Variants in TTBK2 observed in about 807,000 individuals in gnomAD.
TTBK2 encodes the protein tau tubulin kinase 2, also known as tau-tubulin kinase 2.
In TTBK2, 28 loss-of-function variants were observed where a neutral mutation model predicts 110.8. The observed-to-expected ratio is 0.25, with a 90% CI of 0.19 to 0.35. The LOEUF is 0.35. Among genes scored for constraint, TTBK2 ranks in the 10% least tolerant of loss-of-function variants. TTBK2 has a pLI of 1.00. For missense variants in TTBK2, 1,369 were observed against 1,500.3 expected (o/e 0.91, Z 1.45); for synonymous variants, 532 against 527.3 (o/e 1.01, Z -0.12).
At chr15:42,850,134 C>G (rs1404607983) in intron 3 of TTBK2, among the ~76,000 whole-genome samples, 1 of 152,166 alleles carries the variant, frequency 6.6e-6, no homozygotes, top group Admixed American at 6.5e-5. Flanking sequence ...TCTTGCCTGC[C>G]CCCATTGAGG....
intron 10 of TTBK2, among the ~76,000 whole-genome samples, chr15:42,793,614 C>T (rs1405151310): frequency 6.6e-6 from 1 of 151,592 alleles, no homozygotes; most frequent in African/African-American, 2.4e-5. Context: ...TTTTGGAGAA[C>T]AAGACAGGCA....
At chr15:42,857,063 A>AC (rs1371419500) in intron 3 of TTBK2, among the ~76,000 whole-genome samples, 1 of 128,352 alleles carries the variant, frequency 7.8e-6, no homozygotes, top group African/African-American at 3.9e-5. Context: ...TCTGTCTCAC[A>AC]AAAAAAAAAA....
chr15:42,893,336 T>A (rs1473047961), intron 1 of TTBK2, among the ~76,000 whole-genome samples: 1 of 151,756 alleles, frequency 6.6e-6, no homozygotes, highest in Non-Finnish European at 1.5e-5. Context: ...ACTACAAAAA[T>A]TTTTTTAAAA....
chr15:42,866,960 C>A (rs143547714), intron 3 of TTBK2, among the ~76,000 whole-genome samples: 1 of 152,052 alleles, frequency 6.6e-6, no homozygotes, highest in Admixed American at 6.6e-5. Flanking sequence ...AAAGAAAGAT[C>A]TAGGCCGGGC....
intron 1 of TTBK2, among the ~76,000 whole-genome samples, chr15:42,915,470 C>A (rs1262719072): frequency 6.6e-6 from 1 of 152,192 alleles, no homozygotes; most frequent in Non-Finnish European, 1.5e-5. Flanking sequence ...CCTTACTATG[C>A]TTAATTTATA....
chr15:42,813,877 C>A (rs936555046), intron 7 of TTBK2, among the ~76,000 whole-genome samples: 4 of 151,076 alleles, frequency 2.6e-5, no homozygotes, highest in African/African-American at 9.7e-5. Context: ...AAAGTAACAA[C>A]AATTAAATAA....
intron 11 of TTBK2, among the ~76,000 whole-genome samples, chr15:42,778,415 C>T (rs970040700): frequency 2.6e-5 from 4 of 152,066 alleles, no homozygotes; most frequent in African/African-American, 7.2e-5. Context: ...TCTGTAACCC[C>T]AGCACTTTCG....
chr15:42,800,386 C>T (rs1303139362), intron 9 of TTBK2: 3 of 375,550 alleles, frequency 8.0e-6, no homozygotes, highest in Non-Finnish European at 1.5e-5. Flanking sequence ...CTTAGGGAAG[C>T]ACTCCTCTCA....
chr15:42,785,417 G>A (rs1036325792), intron 10 of TTBK2, among the ~76,000 whole-genome samples: 5 of 152,016 alleles, frequency 3.3e-5, no homozygotes, highest in East Asian at 1.9e-4. Flanking sequence ...CATCGTGCCC[G>A]GCCACTTGCA....
chr15:42,875,470 C>A (rs1894781604), intron 2 of TTBK2, among the ~76,000 whole-genome samples: 1 of 152,116 alleles, frequency 6.6e-6, no homozygotes, highest in South Asian at 2.1e-4. Context: ...ACTCCCCCAC[C>A]AAGAGGTAGA....
At position 42,775,257 on chromosome 15, in the gene TTBK2, G is replaced by T. The variant is rs866705172; in HGVS notation, c.1876C>A (p.Pro626Thr). 1.2e-6 allele frequency: 2 copies of T among 1,614,210 alleles called. No individual in the cohort carries two copies. The highest frequency in any genetic ancestry group is 2.2e-5 in the South Asian group (2 of 91,076). Residue 626 changes from proline to threonine, a missense_variant, in exon 13 of 15, where the codon CCT becomes ACT. Pro to Thr is a conservative substitution (Grantham distance 38). Coordinates refer to ENST00000267890, the MANE Select transcript of TTBK2 (RefSeq NM_173500.4). The stretch of plus-strand genomic sequence containing the variant: ...GTATATTGTTCTGAAGCAGCAGTAG[G>T]AGGACCCTCTGCAGAAAGTGCTAAG... The part of the protein sequence containing the change: ...VVLALSAEGP[P>T]TAASEQYTDR...
chr15:42,832,260 C>G (rs1595961394), intron 4 of TTBK2, among the ~76,000 whole-genome samples: 1 of 152,192 alleles, frequency 6.6e-6, no homozygotes, highest in East Asian at 1.9e-4. Flanking sequence ...CGAAAATATA[C>G]CTAAAATTGA....
intron 3 of TTBK2, chr15:42,871,649 T>G (rs753387091): frequency 8.2e-5 from 78 of 945,648 alleles, no homozygotes; most frequent in Non-Finnish European, 9.7e-5. Context: ...AAGAGAAATG[T>G]GGAGAAAATA....
chr15:42,781,625 T>C (rs1890182931), intron 11 of TTBK2, among the ~76,000 whole-genome samples: 1 of 152,182 alleles, frequency 6.6e-6, no homozygotes, highest in African/African-American at 2.4e-5. Context: ...CCTTTAAGGC[T>C]TCCTCTCTGA....
At chr15:42,830,269 C>T (rs1322151273) in intron 4 of TTBK2, among the ~76,000 whole-genome samples, 191 bp from the exon 5 acceptor site, 1 of 151,788 alleles carries the variant, frequency 6.6e-6, no homozygotes, top group Admixed American at 6.6e-5. Context: ...CTCACTGCAA[C>T]CTCCACCTCC....
chr15:42,910,462 T>C (rs1318124293), intron 1 of TTBK2, among the ~76,000 whole-genome samples: 1 of 152,172 alleles, frequency 6.6e-6, no homozygotes, highest in African/African-American at 2.4e-5. Flanking sequence ...ATTGAACCTT[T>C]CACTAAATGA....
Position 42,910,135 on chromosome 15 carries a change from T to C in TTBK2, c.-68+10303A>G, listed in dbSNP as rs534767310. ...TATGTTTTATATACACCATGATTAA[T>C]ATATCTTATAAAAAGAACAGTAACA... On this transcript the variant is annotated intron_variant, in intron 1 of 14. Coordinates refer to ENST00000267890, the MANE Select transcript of TTBK2 (RefSeq NM_173500.4). 2.1e-4 allele frequency among the ~76,000 whole-genome samples: 32 copies of C among 152,306 alleles called. No individual in the cohort carries two copies. The South Asian group carries it at 6.0e-3, about 29-fold the overall frequency.
chr15:42,890,882 T>G (rs566648512), intron 1 of TTBK2, among the ~76,000 whole-genome samples: 1 of 152,308 alleles, frequency 6.6e-6, no homozygotes, highest in East Asian at 1.9e-4. Context: ...TTTGTTTGTT[T>G]TTTGAGATGG....
chr15:42,815,909 T>A (rs1434890192), intron 7 of TTBK2, among the ~76,000 whole-genome samples: 2 of 103,188 alleles, frequency 1.9e-5, no homozygotes, highest in African/African-American at 9.9e-5. Flanking sequence ...TATATATATT[T>A]AAAAATATAT....
Sources: gnomAD v4.1 joint callset for allele counts (sites outside exome capture counted in the v4.1 genomes callset) on GRCh38, gnomAD v4.1.1 for gene constraint, MANE v1.5 for transcripts, NCBI Gene and HGNC (gene_info 2026-07-23, HGNC 2026-07-21) for gene names.